DST: variants seen among roughly 807,000 people sequenced by gnomAD.
DST encodes dystonin, also known as bullous pemphigoid antigen.
A neutral mutation model predicts 875.2 loss-of-function variants in DST; 253 were observed. The ratio of observed to expected loss-of-function variants is 0.29; its 90% confidence interval spans 0.26 to 0.32. The LOEUF is 0.32. DST is among the 10% of genes least tolerant of loss of function. The pLI is 1.00. For missense variants in DST, 8,287 were observed against 9,111.6 expected (o/e 0.91, Z 3.68); for synonymous variants, 3,124 against 3,197.1 (o/e 0.98, Z 0.77).
chr6:56,700,063 C>T (rs2099289491), intron 8 of DST, among the ~76,000 whole-genome samples: 1 of 152,230 alleles, frequency 6.6e-6, no homozygotes, highest in African/African-American at 2.4e-5. Context: ...AGCATTACCA[C>T]CTGAGCTCCA....
chr6:56,865,092 C>T (rs1773266066), intron 3 of DST, among the ~76,000 whole-genome samples: 1 of 152,134 alleles, frequency 6.6e-6, no homozygotes, highest in African/African-American at 2.4e-5. Context: ...CTGCCTAGAT[C>T]ACAATTTTTC....
At chr6:56,948,036 T>C (rs1202106925) in intron 2 of DST, among the ~76,000 whole-genome samples, 1 of 152,106 alleles carries the variant, frequency 6.6e-6, no homozygotes, top group African/African-American at 2.4e-5. Context: ...TTTCTATTCA[T>C]GTCTTCCACC....
chr6:56,529,387 G>A, intron 66 of DST, 61 bp downstream of exon 66: 2 of 1,269,870 alleles, frequency 1.6e-6, no homozygotes, highest in Non-Finnish European at 2.1e-6. Flanking sequence ...CAGAAATAAG[G>A]ACTAAGAAAT....
At position 56,778,745 on chromosome 6, in the gene DST, G is replaced by A. The variant is rs564546530; in HGVS notation, c.626-43456C>T. ...TTTTTATGGCTGTATAGTATTCCAT[G>A]GTGTATATGTGCCACATTTTCTTAA... is the stretch of plus-strand genomic sequence containing the variant. On this transcript the variant is annotated intron_variant, in intron 4 of 103. Coordinates refer to ENST00000680361, the MANE Select transcript of DST (RefSeq NM_001374736.1). Among the ~76,000 whole-genome samples the A allele has an allele frequency of 2.6e-5, 4 of 151,892 alleles. No individual in the cohort carries two copies. In the East Asian group the frequency reaches 7.8e-4, roughly 29 times the overall value.
chr6:56,564,615 A>G (rs2097618919), intron 55 of DST, among the ~76,000 whole-genome samples: 1 of 152,204 alleles, frequency 6.6e-6, no homozygotes, highest in African/African-American at 2.4e-5. Context: ...TATGCTGAAT[A>G]GGACTGGTGA....
At chr6:56,558,396 G>A (rs1454797958) in intron 58 of DST, among the ~76,000 whole-genome samples, 2 of 152,172 alleles carry the variant, frequency 1.3e-5, no homozygotes, top group East Asian at 3.9e-4. Flanking sequence ...GAATCACCTG[G>A]AGGCATCTTT....
chr6:56,846,875 C>T (rs572930187), intron 4 of DST, among the ~76,000 whole-genome samples: 3 of 151,938 alleles, frequency 2.0e-5, no homozygotes, highest in East Asian at 1.9e-4. Flanking sequence ...TGATGGCACA[C>T]ACCTTTAGTC....
chr6:56,870,655 C>T (rs975132710), intron 3 of DST, among the ~76,000 whole-genome samples: 1 of 151,732 alleles, frequency 6.6e-6, no homozygotes, highest in Non-Finnish European at 1.5e-5. Context: ...CCCAGCTACT[C>T]GGGAGGCTGA....
chr6:56,843,214 A>G, intron 4 of DST: 2 of 1,413,272 alleles, frequency 1.4e-6, no homozygotes, highest in South Asian at 3.5e-5. Flanking sequence ...ACAGTATCGC[A>G]GTCAGCAAGA....
intron 2 of DST, among the ~76,000 whole-genome samples, chr6:56,939,446 T>C (rs993654659): frequency 6.6e-6 from 1 of 152,114 alleles, no homozygotes; most frequent in African/African-American, 2.4e-5. Flanking sequence ...TAAGGCATGA[T>C]ACAATATGCA....
chr6:56,611,839 A>T (rs931215249), intron 37 of DST, among the ~76,000 whole-genome samples: 1 of 152,122 alleles, frequency 6.6e-6, no homozygotes, highest in Non-Finnish European at 1.5e-5. Flanking sequence ...AAAATAATAC[A>T]TTATACGTTT....
At chr6:56,657,922 T>C (rs570032245) in intron 10 of DST, among the ~76,000 whole-genome samples, 134 of 152,034 alleles carry the variant, frequency 8.8e-4, no homozygotes, top group African/African-American at 3.2e-3. Flanking sequence ...CCTACCACCA[T>C]GCCCAGCTAA....
chr6:56,629,376 G>A lies in DST; in HGVS notation c.4349C>T (p.Ala1450Val), dbSNP rs1161230565. The A allele has an allele frequency of 6.2e-7, 1 of 1,613,528 alleles. No homozygotes were observed. ...AAACATTTCATCACTGATGGCTTTA[G>A]CTTTCTGCAACTCATCCTCTAAGGC... ...FHALEDELQKAKAISDEMFKT... is the reference protein window; with the variant it reads ...FHALEDELQKVKAISDEMFKT... Residue 1450 changes from alanine (A) to valine (V), a missense_variant, in exon 32 of 104, where the codon GCT (alanine) becomes GTT (valine). Around this residue, in one of 10 missense-constraint regions of DST, gnomAD observed 3,138 missense variants for 3,116.6 expected, o/e 1.01. Transcript: ENST00000680361.
chr6:56,713,629 A>AGGTGCAGCCAGCCAGG (rs1449906497), intron 5 of DST, among the ~76,000 whole-genome samples: 1 of 152,210 alleles, frequency 6.6e-6, no homozygotes, highest in Non-Finnish European at 1.5e-5. Flanking sequence ...GCTCCAGGAA[A>AGGTGCAGCCAGCCAGG]GGTGCAGCCA....
At chr6:56,614,177 G>A (rs549109552) in intron 37 of DST, among the ~76,000 whole-genome samples, 179 bp downstream of exon 37, 2 of 152,130 alleles carry the variant, frequency 1.3e-5, no homozygotes, top group South Asian at 4.2e-4. Flanking sequence ...AGCTTCTTCT[G>A]CCACACACTA....
At chr6:56,674,942 C>T (rs556957883) in intron 9 of DST, among the ~76,000 whole-genome samples, 1 of 152,208 alleles carries the variant, frequency 6.6e-6, no homozygotes, top group African/African-American at 2.4e-5. Context: ...ACAAAAGACC[C>T]CAAATAGTCA....
intron 4 of DST, among the ~76,000 whole-genome samples, chr6:56,748,040 A>G (rs2099577574): frequency 1.3e-5 from 2 of 152,180 alleles, no homozygotes; most frequent in South Asian, 4.1e-4. Context: ...TTGAAATTTT[A>G]TGACTTGTTG....
chr6:56,672,957 T>C (rs934022116), intron 9 of DST, among the ~76,000 whole-genome samples: 7 of 151,996 alleles, frequency 4.6e-5, no homozygotes, highest in Admixed American at 3.3e-4. Flanking sequence ...TAGGAAACTG[T>C]GAATGAAAAA....
intron 3 of DST, among the ~76,000 whole-genome samples, chr6:56,887,546 T>C (rs1323016822): frequency 6.6e-6 from 1 of 152,214 alleles, no homozygotes; most frequent in African/African-American, 2.4e-5. Context: ...TTTTCAGTCC[T>C]TTGATCCATA....
Sources: gnomAD v4.1 joint callset for allele counts (sites outside exome capture counted in the v4.1 genomes callset) on GRCh38, gnomAD v4.1.1 for gene constraint, gnomAD v4.1.1 regional missense constraint, MANE v1.5 for transcripts, NCBI Gene and HGNC (gene_info 2026-07-23, HGNC 2026-07-21) for gene names.